Variants in DLGAP4 observed in about 807,000 individuals in gnomAD.
The protein encoded by DLGAP4 is DLG associated protein 4.
DLGAP4 carries 18 observed loss-of-function variants against 86.9 expected under a neutral mutation model. The observed-to-expected ratio is 0.21, with a 90% CI of 0.14 to 0.31. The LOEUF is 0.31. Among genes scored for constraint, DLGAP4 ranks in the 10% least tolerant of loss-of-function variants. The pLI, the probability that DLGAP4 is intolerant of heterozygous loss-of-function variation, is 1.00. For missense variants in DLGAP4, 1,085 were observed against 1,362.6 expected (o/e 0.80, Z 3.21); for synonymous variants, 548 against 574.3 (o/e 0.95, Z 0.65).
intron 2 of DLGAP4, among the ~76,000 whole-genome samples, chr20:36,401,961 G>A (rs923233217): frequency 2.6e-5 from 4 of 152,208 alleles, no homozygotes; most frequent in African/African-American, 2.4e-5. Flanking sequence ...TGTGGCTGGA[G>A]CCGAGTGAAT....
chr20:36,353,704 T>C (rs145407731), intron 1 of DLGAP4, among the ~76,000 whole-genome samples: 11 of 152,306 alleles, frequency 7.2e-5, no homozygotes, highest in Admixed American at 2.0e-4. Flanking sequence ...CACTTTGCCA[T>C]TCAGAACTCT....
chr20:36,395,099 C>A (rs1417539083), intron 2 of DLGAP4, among the ~76,000 whole-genome samples: 2 of 152,132 alleles, frequency 1.3e-5, no homozygotes, highest in Non-Finnish European at 2.9e-5. Context: ...CACCTCCATT[C>A]CACATTCACC....
chr20:36,413,170 G>T (rs910950257), intron 2 of DLGAP4, among the ~76,000 whole-genome samples: 3 of 151,648 alleles, frequency 2.0e-5, no homozygotes, highest in Non-Finnish European at 2.9e-5. Flanking sequence ...AGTAGAGACA[G>T]TTTCACCATG....
chr20:36,512,081 T>C (rs565118939), intron 10 of DLGAP4, among the ~76,000 whole-genome samples: 1 of 145,698 alleles, frequency 6.9e-6, no homozygotes, highest in Non-Finnish European at 1.5e-5. Context: ...GAGAGAGTCT[T>C]GCTCTGTTGC....
intron 2 of DLGAP4, among the ~76,000 whole-genome samples, chr20:36,401,253 C>T (rs1030733688): frequency 9.8e-5 from 15 of 152,350 alleles, no homozygotes; most frequent in African/African-American, 2.4e-4. Flanking sequence ...CACATGAGAA[C>T]GCGATCCATC....
chr20:36,480,714 C>T (rs887505814), intron 7 of DLGAP4, among the ~76,000 whole-genome samples: 1 of 151,706 alleles, frequency 6.6e-6, no homozygotes, highest in Non-Finnish European at 1.5e-5. Context: ...TGTCTCTAAA[C>T]AAAAAGTTGG....
At chr20:36,326,809 T>G (rs1555891018) in intron 1 of DLGAP4, among the ~76,000 whole-genome samples, 2 of 152,046 alleles carry the variant, frequency 1.3e-5, no homozygotes, top group African/African-American at 2.4e-5. Flanking sequence ...TATTTTGCCT[T>G]CATTTTTTTA....
In DLGAP4 at chr20:36,308,574, G is replaced by T. The variant is rs1473384392; in HGVS notation, c.-304+2062G>T. 2.6e-5 allele frequency among the ~76,000 whole-genome samples: 4 copies of T among 152,210 alleles called. No homozygotes were observed. Among genetic ancestry groups the T allele is most frequent in the African/African-American group, 9.6e-5 (4 of 41,460 alleles). On this transcript the variant is annotated intron_variant, in intron 1 of 12. Coordinates refer to ENST00000339266, the MANE Select transcript of DLGAP4 (RefSeq NM_001365621.2). This position sits in a 1 kb window ranked among gnomAD's most constrained non-coding sequence, Gnocchi z 4.5. ...GGAACTAGGAGAGAATGTGTGCTTT[G>T]GAGCTTTCGGGAGACGCTGACGTAT...
chr20:36,422,570 A>G (rs1009295190), intron 2 of DLGAP4, among the ~76,000 whole-genome samples: 15 of 152,210 alleles, frequency 9.9e-5, no homozygotes, highest in Admixed American at 5.2e-4. Context: ...GTTCTGGCTT[A>G]AGGGAATGAT....
At chr20:36,402,195 T>C (rs1196008317) in intron 2 of DLGAP4, among the ~76,000 whole-genome samples, 2 of 152,148 alleles carry the variant, frequency 1.3e-5, no homozygotes, top group East Asian at 3.8e-4. Flanking sequence ...CTGATGGGAA[T>C]AGGCTGACAA....
intron 8 of DLGAP4, chr20:36,498,382 C>G (rs1285134968): frequency 6.6e-6 from 1 of 152,306 alleles, no homozygotes; most frequent in Non-Finnish European, 1.5e-5. Context: ...GTCCTGACCA[C>G]CCATATCTTT....
At chr20:36,461,748 T>TCTGC (rs1555906139) in intron 7 of DLGAP4, 9 of 853,480 alleles carry the variant, frequency 1.1e-5, no homozygotes, top group Non-Finnish European at 1.2e-5. Context: ...CGTCCGTCCG[T>TCTGC]CCGCCCGCCC....
chr20:36,389,703 C>T (rs890740667), intron 2 of DLGAP4, among the ~76,000 whole-genome samples: 1 of 152,056 alleles, frequency 6.6e-6, no homozygotes. Flanking sequence ...CAAGATGATT[C>T]TAGGTTATAC....
chr20:36,489,855 CTTTTTTTTTTTT>C (rs764797081), intron 7 of DLGAP4, among the ~76,000 whole-genome samples: 2 of 108,022 alleles, frequency 1.9e-5, no homozygotes, highest in African/African-American at 7.5e-5. Context: ...GCTAATTCTT[CTTTTTTTTTTTT>C]TTTTTTTTTT....
rs1159194452 is a variant in DLGAP4 at position 36,367,152 on chromosome 20, C to T, written c.-196C>T. 6.6e-6 allele frequency: 1 copy of T among 152,590 alleles called. No individual in the cohort carries two copies. The highest frequency in any genetic ancestry group is 1.5e-5 in the Non-Finnish European group (1 of 68,144). The allele number at this position is 152,590 out of a possible 1,614,324, so 9.5% of individuals were successfully genotyped here. ...CCTGTCCCAAGCTGCTTCCTGCCGG[C>T]ACCTCTGATCAAGTGCCTAGAGGGA... On this transcript the variant is annotated 5_prime_UTR_variant, in exon 2 of 13. Transcript: ENST00000339266.
At chr20:36,409,393 T>A (rs1053553137) in intron 2 of DLGAP4, among the ~76,000 whole-genome samples, 1 of 112,114 alleles carries the variant, frequency 8.9e-6, no homozygotes, top group Non-Finnish European at 1.8e-5. Flanking sequence ...AAAATTTTTT[T>A]AAGACTTTTT....
At chr20:36,464,788 T>A (rs1311450402) in intron 7 of DLGAP4, among the ~76,000 whole-genome samples, 2 of 151,958 alleles carry the variant, frequency 1.3e-5, no homozygotes, top group East Asian at 3.9e-4. Context: ...AAGCGGAGGT[T>A]GCAGTGAGCT....
intron 10 of DLGAP4, among the ~76,000 whole-genome samples, chr20:36,513,546 C>G (rs2036852038): frequency 2.3e-5 from 3 of 129,300 alleles, no homozygotes; most frequent in African/African-American, 8.9e-5. Flanking sequence ...CAGAGCGAGA[C>G]TCCGTCTCAA....
intron 2 of DLGAP4, among the ~76,000 whole-genome samples, chr20:36,371,895 C>T (rs2030954034): frequency 6.6e-6 from 1 of 152,126 alleles, no homozygotes; most frequent in Non-Finnish European, 1.5e-5. Flanking sequence ...CTTCTTTCTA[C>T]TTTTCTGGAT....
Sources: allele counts gnomAD v4.1 joint callset (sites outside exome capture counted in the v4.1 genomes callset), GRCh38; gene constraint gnomAD v4.1.1; non-coding constraint Gnocchi (gnomAD v3.1); transcripts MANE v1.5; gene names NCBI Gene and HGNC (gene_info 2026-07-23, HGNC 2026-07-21).